C8orf34: variants seen among roughly 807,000 people sequenced by gnomAD.
C8orf34 encodes chromosome 8 open reading frame 34.
Under a neutral mutation model 68.3 loss-of-function variants are expected in C8orf34, and 65 were observed. The observed-to-expected ratio is 0.95, with a 90% CI of 0.78 to 1.17. C8orf34 has a LOEUF of 1.17. C8orf34 is among the 50% of genes most tolerant of loss of function. The pLI, the probability that C8orf34 is intolerant of heterozygous loss-of-function variation, is 0.00. For synonymous variants in C8orf34, 244 were observed against 241.2 expected, an observed-to-expected ratio of 1.01 and a Z score of -0.11; for missense variants, 664 against 655.4, an observed-to-expected ratio of 1.01 and a Z score of -0.14.
At chr8:68,772,298 G>A (rs1823363400) in intron 10 of C8orf34, among the ~76,000 whole-genome samples, 1 of 152,098 alleles carries the variant, frequency 6.6e-6, no homozygotes, top group Non-Finnish European at 1.5e-5. Context: ...TTTTGTCTAA[G>A]GATTAATGAA....
chr8:68,589,110 G>A (rs1253521543), intron 7 of C8orf34, among the ~76,000 whole-genome samples: 3 of 152,174 alleles, frequency 2.0e-5, no homozygotes, highest in East Asian at 1.9e-4. Flanking sequence ...CAAATAAATC[G>A]GCTACCAATC....
intron 10 of C8orf34, among the ~76,000 whole-genome samples, chr8:68,742,536 A>G (rs1217872889): frequency 6.6e-6 from 1 of 152,160 alleles, no homozygotes. Context: ...TCTTGATAGA[A>G]TCCTTTCTCC....
At chr8:68,776,509 C>A in intron 11 of C8orf34, 60 bp downstream of exon 11, 2 of 1,357,078 alleles carry the variant, frequency 1.5e-6, no homozygotes, top group Non-Finnish European at 2.1e-6. Context: ...CAGGATGAAG[C>A]ACTCACTTAG....
intron 12 of C8orf34, among the ~76,000 whole-genome samples, chr8:68,795,038 T>C (rs1378678175): frequency 2.0e-5 from 3 of 152,228 alleles, no homozygotes; most frequent in African/African-American, 7.2e-5. Flanking sequence ...TTGCATAATG[T>C]ACATTGACCT....
chr8:68,681,058 A>T (rs1205536023), intron 8 of C8orf34, among the ~76,000 whole-genome samples: 1 of 152,108 alleles, frequency 6.6e-6, no homozygotes, highest in Non-Finnish European at 1.5e-5. Flanking sequence ...AAGAAGAAAA[A>T]TATGGCTGTT....
At position 68,640,456 on chromosome 8, in the gene C8orf34, TA is replaced by T. The variant is rs1375447421; in HGVS notation, c.1187del (p.Tyr396SerfsTer11). On this transcript the variant is annotated frameshift_variant, in exon 8 of 14. Coordinates refer to ENST00000518698, the MANE Select transcript of C8orf34 (RefSeq NM_052958.4). LOFTEE classifies it high-confidence loss of function. The stretch of plus-strand genomic sequence containing the variant: ...CAAATTTAACCAAGGCCGTCCTACT[TA>T]CCCTGCTGAGCCTCAGGCCAAGGTC... ...GSKFNQGRPT[Y>X]PAEPQAKVTL... 6.2e-7 allele frequency: 1 copy of T among 1,613,948 alleles called. No individual in the cohort carries two copies. The highest frequency in any genetic ancestry group is 2.2e-5 in the East Asian group (1 of 44,868).
intron 1 of C8orf34, among the ~76,000 whole-genome samples, chr8:68,340,219 G>A (rs2129617978): frequency 6.6e-6 from 1 of 152,138 alleles, no homozygotes; most frequent in East Asian, 1.9e-4. Flanking sequence ...TTTATTTCTA[G>A]TAGCCCCAAA....
intron 13 of C8orf34, among the ~76,000 whole-genome samples, chr8:68,816,251 A>C (rs2129530162): frequency 6.6e-6 from 1 of 152,006 alleles, no homozygotes; most frequent in South Asian, 2.1e-4. Flanking sequence ...TCTCCTTGAC[A>C]GGAAAAATAA....
chr8:68,667,796 G>A lies in C8orf34; in HGVS notation c.1241+27285G>A, dbSNP rs140418439. Among the ~76,000 whole-genome samples, 1,493 of 152,178 alleles carry A rather than the reference G, an allele frequency of 9.8e-3. 16 individuals are homozygous for A. The highest frequency in any genetic ancestry group is 0.037 in the Middle Eastern group (11 of 294). On this transcript the variant is annotated intron_variant, in intron 8 of 13. Transcript: ENST00000518698. ...ATTTCTAGTCACTAGAGGGTTAAGC[G>A]AGTGACTAAAAATAAAACAGTTCAG...
chr8:68,636,417 A>G (rs2130719089), intron 7 of C8orf34, among the ~76,000 whole-genome samples: 2 of 151,904 alleles, frequency 1.3e-5, no homozygotes, highest in African/African-American at 4.8e-5. Context: ...CTACTAAAAA[A>G]AAAAAAAAAT....
intron 7 of C8orf34, among the ~76,000 whole-genome samples, chr8:68,586,926 T>C (rs1817226442): frequency 6.6e-6 from 1 of 152,120 alleles, no homozygotes; most frequent in South Asian, 2.1e-4. Flanking sequence ...TGTTAACAAA[T>C]TTTCTATGGC....
chr8:68,602,982 G>C (rs1817742974), intron 7 of C8orf34, among the ~76,000 whole-genome samples: 1 of 152,032 alleles, frequency 6.6e-6, no homozygotes, highest in Admixed American at 6.6e-5. Flanking sequence ...TGGGTTCAAG[G>C]CTTCTGCAAC....
intron 7 of C8orf34, among the ~76,000 whole-genome samples, chr8:68,553,188 G>A (rs143048234): frequency 0.031 from 4,756 of 151,578 alleles, 253 homozygotes; most frequent in African/African-American, 0.11. Context: ...GATCGAGACC[G>A]TCCTGGCTAA....
At chr8:68,695,576 T>G (rs1820807353) in intron 8 of C8orf34, 1 of 152,172 alleles carries the variant, frequency 6.6e-6, no homozygotes, top group Admixed American at 6.6e-5. Context: ...CAGAGAGTGT[T>G]ACATAGAACC....
At chr8:68,525,960 T>C (rs956719137) in intron 6 of C8orf34, 32 of 236,710 alleles carry the variant, frequency 1.4e-4, no homozygotes, top group African/African-American at 2.8e-4. Flanking sequence ...TTCTTTCTTT[T>C]TTTTTTTTTT....
intron 7 of C8orf34, among the ~76,000 whole-genome samples, chr8:68,623,185 A>G (rs1244205883): frequency 6.6e-6 from 1 of 152,188 alleles, no homozygotes; most frequent in Non-Finnish European, 1.5e-5. Flanking sequence ...TGTTTGTCCC[A>G]CACATTAAAC....
intron 4 of C8orf34, among the ~76,000 whole-genome samples, chr8:68,480,996 C>G (rs1003033522): frequency 6.6e-6 from 1 of 152,148 alleles, no homozygotes; most frequent in African/African-American, 2.4e-5. Context: ...TCCCCAAGAC[C>G]ATGGGCAAAA....
intron 8 of C8orf34, among the ~76,000 whole-genome samples, chr8:68,689,107 G>A (rs937695965): frequency 6.6e-6 from 1 of 152,078 alleles, no homozygotes; most frequent in Admixed American, 6.6e-5. Flanking sequence ...CTCAGATGGA[G>A]CTGGAGGTCA....
chr8:68,764,541 C>T (rs7826725), intron 10 of C8orf34, among the ~76,000 whole-genome samples: 43,474 of 151,928 alleles, frequency 0.29, 6,733 homozygotes, highest in African/African-American at 0.39. Context: ...GAGTCTTCCT[C>T]GAACAAGTAG....
Sources: gnomAD v4.1 joint callset for allele counts (sites outside exome capture counted in the v4.1 genomes callset) on GRCh38, gnomAD v4.1.1 for gene constraint, MANE v1.5 for transcripts, NCBI Gene and HGNC (gene_info 2026-07-23, HGNC 2026-07-21) for gene names.